The following POR variants were observed in gnomAD, a reference collection of about 807,000 sequenced individuals.
POR encodes NADPH--cytochrome P450 reductase.
POR carries 56 observed loss-of-function variants against 84.0 expected under a neutral mutation model. That is an observed-to-expected ratio of 0.67 (90% CI 0.54 to 0.83). The LOEUF (loss-of-function observed/expected upper bound fraction) is 0.83, where lower values mean the gene tolerates loss of function less well. Among genes scored for constraint, POR ranks in the 40% least tolerant of loss-of-function variants. The pLI, the probability that POR is intolerant of heterozygous loss-of-function variation, is 0.00. For missense variants in POR, 938 were observed against 944.3 expected (o/e 0.99, Z 0.09); for synonymous variants, 414 against 400.5 (o/e 1.03, Z -0.40).
intron 1 of POR, among the ~76,000 whole-genome samples, chr7:75,921,409 G>A (rs1023817494): frequency 1.1e-4 from 17 of 151,970 alleles, no homozygotes; most frequent in Admixed American, 4.6e-4. Context: ...TTATAGGTGC[G>A]CGGCACCGCG....
chr7:75,969,849 G>A (rs1476475139), intron 2 of POR, among the ~76,000 whole-genome samples: 2 of 152,198 alleles, frequency 1.3e-5, no homozygotes, highest in Admixed American at 1.3e-4. Flanking sequence ...TACACAGACA[G>A]CCCCCAAGGT....
At chr7:75,935,842 G>A (rs925248705) in intron 1 of POR, among the ~76,000 whole-genome samples, 2 of 151,696 alleles carry the variant, frequency 1.3e-5, no homozygotes, top group Non-Finnish European at 1.5e-5. Context: ...ACCCAGCCTC[G>A]TGTGACACAT....
chr7:75,959,423 C>T (rs1787835823), intron 2 of POR, among the ~76,000 whole-genome samples: 1 of 152,176 alleles, frequency 6.6e-6, no homozygotes, highest in African/African-American at 2.4e-5. Context: ...CAGGAACTCT[C>T]ACCATGATTT....
intron 1 of POR, among the ~76,000 whole-genome samples, chr7:75,920,016 G>A (rs1806772743): frequency 6.6e-6 from 1 of 150,612 alleles, no homozygotes; most frequent in African/African-American, 2.5e-5. Flanking sequence ...GCCAGACTGT[G>A]GTGCTGTCAG....
At chr7:75,944,505 C>A (rs962462776) in intron 1 of POR, among the ~76,000 whole-genome samples, 7 of 152,178 alleles carry the variant, frequency 4.6e-5, no homozygotes, top group African/African-American at 1.7e-4. Flanking sequence ...TGCACTCCAG[C>A]CTGGGCAATA....
At chr7:75,968,615 G>A (rs1788293114) in intron 2 of POR, among the ~76,000 whole-genome samples, 1 of 152,208 alleles carries the variant, frequency 6.6e-6, no homozygotes, top group Non-Finnish European at 1.5e-5. Context: ...ACCCTCCCCG[G>A]CAGGATGGGT....
intron 1 of POR, among the ~76,000 whole-genome samples, chr7:75,922,152 A>G (rs1478558362): frequency 2.6e-5 from 4 of 152,210 alleles, no homozygotes; most frequent in Admixed American, 2.6e-4. Context: ...CAGGGAACCT[A>G]TCATTTCTGC....
intron 1 of POR, among the ~76,000 whole-genome samples, chr7:75,933,053 C>G (rs1182079584): frequency 6.6e-6 from 1 of 151,322 alleles, no homozygotes; most frequent in Non-Finnish European, 1.5e-5. Context: ...AAAGTATGTC[C>G]TGTAATATGC....
At chr7:75,949,030 C>A (rs1245897054) in intron 1 of POR, among the ~76,000 whole-genome samples, 2 of 152,060 alleles carry the variant, frequency 1.3e-5, no homozygotes, top group Admixed American at 6.6e-5. Context: ...GCCAGCGTGA[C>A]CTGCAAGGTG....
intron 2 of POR, among the ~76,000 whole-genome samples, chr7:75,969,983 CT>C (rs1554555901): frequency 6.6e-6 from 1 of 152,108 alleles, no homozygotes; most frequent in Non-Finnish European, 1.5e-5. Context: ...CAGGGACGGC[CT>C]CTGGGAGAGG....
intron 1 of POR, among the ~76,000 whole-genome samples, chr7:75,948,685 C>G (rs781865500): frequency 6.6e-6 from 1 of 152,224 alleles, no homozygotes; most frequent in Non-Finnish European, 1.5e-5. Flanking sequence ...TCGGAAGGTT[C>G]TTGCCTTCTA....
At chr7:75,978,979 T>C (rs1430935483) in intron 3 of POR, among the ~76,000 whole-genome samples, 1 of 151,796 alleles carries the variant, frequency 6.6e-6, no homozygotes, top group Non-Finnish European at 1.5e-5. Context: ...GTAGTTTTAG[T>C]AGAGATGGAG....
rs555541131 is a variant in POR, at chr7:75,942,970, G to T, written c.-4-11019G>T. On this transcript the variant is annotated intron_variant, in intron 1 of 15. Coordinates refer to ENST00000461988, the MANE Select transcript of POR (RefSeq NM_000941.3). ...TTCTTTTTCTTTTTTTTTTTTTATTGAGATGGAGTCTTGCTCTGTCACCCA... is the reference window on the plus strand; with the variant it reads ...TTCTTTTTCTTTTTTTTTTTTTATTTAGATGGAGTCTTGCTCTGTCACCCA... Among the ~76,000 whole-genome samples the T allele has an allele frequency of 1.3e-4, 19 of 142,692 alleles. No individual in the cohort carries two copies. The East Asian group carries it at 3.0e-3, about 23-fold the overall frequency. 93.6% of individuals were successfully genotyped at this position (142,692 alleles called of 152,430 possible).
chr7:75,984,740 C>T, intron 10 of POR, 37 bp from the exon 11 acceptor site: 1 of 1,598,680 alleles, frequency 6.3e-7, no homozygotes, highest in Non-Finnish European at 8.6e-7. Context: ...CAGGAGGCGG[C>T]CGCCTACCCC....
chr7:75,921,238 C>T (rs1806843518), intron 1 of POR: 1 of 151,806 alleles, frequency 6.6e-6, no homozygotes, highest in Non-Finnish European at 1.5e-5. Context: ...GGTCTCCCAC[C>T]ACCACCAAGT....
intron 1 of POR, among the ~76,000 whole-genome samples, chr7:75,917,287 C>T (rs1307234591): frequency 6.6e-6 from 1 of 151,558 alleles, no homozygotes; most frequent in East Asian, 1.9e-4. Flanking sequence ...AGGCTGGTCT[C>T]GAATTCTGGG....
intron 1 of POR, among the ~76,000 whole-genome samples, chr7:75,932,371 A>G (rs2116281951): frequency 6.6e-6 from 1 of 152,120 alleles, no homozygotes; most frequent in East Asian, 1.9e-4. Flanking sequence ...TTATAGAAAC[A>G]GGGATTTGTT....
chr7:75,954,119 T>G lies in POR; in HGVS notation c.127T>G (p.Tyr43Asp), dbSNP rs557738416. ...TTCGCTCATCGTGGGTCTCCTAACC[T>G]ACTGGTTCCTCTTCAGAAAGAAAAA... Residue 43 changes from tyrosine (Y) to aspartate (D), a missense_variant, in exon 2 of 16, where the codon TAC becomes GAC. Physicochemically the swap from Tyr to Asp is radical, Grantham distance 160 (BLOSUM62 -3). Coordinates refer to ENST00000461988, the MANE Select transcript of POR (RefSeq NM_000941.3). 1 of 1,613,454 alleles carries G rather than the reference T, an allele frequency of 6.2e-7. No homozygotes were observed. Among genetic ancestry groups the G allele is most frequent in the South Asian group, 1.1e-5 (1 of 90,936 alleles).
rs185267481 is a variant in POR at position 75,926,594 on chromosome 7, G to A, written c.-5+11415G>A. Among the ~76,000 whole-genome samples the A allele has an allele frequency of 3.6e-3, 542 of 152,218 alleles. 13 individuals carry two copies. The highest frequency in any genetic ancestry group is 0.031 in the Admixed American group (478 of 15,274). ...GCAGATCACCTGAGGTCGCGAGTTC[G>A]AGACCGGCCTGACCAACATGGAGAA... On this transcript the variant is annotated intron_variant, in intron 1 of 15. Transcript: ENST00000461988.
Sources: gnomAD v4.1 joint callset for allele counts (sites outside exome capture counted in the v4.1 genomes callset) on GRCh38, gnomAD v4.1.1 for gene constraint, MANE v1.5 for transcripts, NCBI Gene and HGNC (gene_info 2026-07-23, HGNC 2026-07-21) for gene names.